The following GRIK4 variants were observed in gnomAD, a reference collection of about 807,000 sequenced individuals.
GRIK4 encodes the protein glutamate receptor ionotropic, kainate 4.
In GRIK4, 40 loss-of-function variants were observed where a neutral mutation model predicts 104.9. That is an observed-to-expected ratio of 0.38 (90% CI 0.30 to 0.50). The LOEUF is 0.50. Among genes scored for constraint, GRIK4 ranks in the 20% least tolerant of loss-of-function variants. The pLI, the probability that GRIK4 is intolerant of heterozygous loss-of-function variation, is 0.93. For synonymous variants in GRIK4, 485 were observed against 524.9 expected (o/e 0.92, Z 1.04); for missense variants, 1,047 against 1,308.1 (o/e 0.80, Z 3.08).
chr11:120,986,208 G>T lies in GRIK4; in HGVS notation c.2819G>T (p.Ser940Ile), dbSNP rs1478633838. 6.4e-6 allele frequency: 10 copies of T among 1,571,924 alleles called. No homozygotes were observed. The Admixed American group carries it at 1.7e-4, about 27-fold the overall frequency. The part of the protein sequence containing the change: ...GLRARPSPAR[S>I]EESLEWEKTT... ...CGGGCACGGCCGTCGCCCGCCCGCAGCGAGGAGAGCCTGGAGTGGGAGAAA... is the reference window on the plus strand; with the variant it reads ...CGGGCACGGCCGTCGCCCGCCCGCATCGAGGAGAGCCTGGAGTGGGAGAAA... Residue 940 changes from serine to isoleucine, a missense_variant, in exon 21 of 21, where the codon AGC (serine) becomes ATC (isoleucine). Physicochemically the swap from Ser to Ile is moderately radical, Grantham distance 142. Transcript: ENST00000527524.
chr11:120,836,866 C>G (rs749678507), intron 8 of GRIK4, 22 bp downstream of exon 8: 3 of 1,470,366 alleles, frequency 2.0e-6, no homozygotes, highest in Non-Finnish European at 2.9e-6. Flanking sequence ...TCACAGCTCA[C>G]CTCCTTGGAA....
chr11:120,850,337 T>TG (rs1029622397), intron 8 of GRIK4, among the ~76,000 whole-genome samples: 5 of 152,020 alleles, frequency 3.3e-5, no homozygotes, highest in African/African-American at 1.2e-4. Flanking sequence ...GTGTGTTTCT[T>TG]GGGGGTCATC....
chr11:120,579,459 C>T (rs945875788), intron 1 of GRIK4, among the ~76,000 whole-genome samples: 3 of 152,120 alleles, frequency 2.0e-5, no homozygotes, highest in Middle Eastern at 3.4e-3. Flanking sequence ...CATAGGGGTG[C>T]GGAATGAGAG....
At chr11:120,925,719 C>G (rs1808535277) in intron 13 of GRIK4, among the ~76,000 whole-genome samples, 1 of 152,058 alleles carries the variant, frequency 6.6e-6, no homozygotes, top group Admixed American at 6.5e-5. Context: ...CGCCTGTAAT[C>G]CCAGTACTTT....
Position 120,962,312 on chromosome 11 carries a change from G to A in GRIK4, c.2041-144G>A, listed in dbSNP as rs941921795. 7.2e-5 allele frequency: 44 copies of A among 612,906 alleles called. 1 individual carries two copies. Among genetic ancestry groups the A allele is most frequent in the Non-Finnish European group, 1.0e-4 (36 of 343,762 alleles). The allele number at this position is 612,906 out of a possible 1,614,324, so 38.0% of individuals were successfully genotyped here. A position where few individuals can be genotyped will look rare whatever the true frequency, so the allele number is the denominator to read the frequency against. ...AGTGAACATCTTGTGTTGAGAGACAGAAAGGGAAAAGGTTCTTGACTGTGA... is the reference window on the plus strand; with the variant it reads ...AGTGAACATCTTGTGTTGAGAGACAAAAAGGGAAAAGGTTCTTGACTGTGA... On this transcript the variant is annotated intron_variant, in intron 17 of 20. Transcript: ENST00000527524.
At chr11:120,771,676 C>T (rs1157833763) in intron 3 of GRIK4, among the ~76,000 whole-genome samples, 1 of 152,180 alleles carries the variant, frequency 6.6e-6, no homozygotes, top group African/African-American at 2.4e-5. Context: ...TCAGTGGAAT[C>T]CAGGACCTAT....
At chr11:120,884,540 A>C (rs569984006) in intron 11 of GRIK4, among the ~76,000 whole-genome samples, 1 of 152,294 alleles carries the variant, frequency 6.6e-6, no homozygotes, top group South Asian at 2.1e-4. Flanking sequence ...GCCTCCCCAC[A>C]GCCTCTCCCT....
At chr11:120,832,487 G>A (rs1211232076) in intron 7 of GRIK4, among the ~76,000 whole-genome samples, 1 of 152,188 alleles carries the variant, frequency 6.6e-6, no homozygotes, top group Non-Finnish European at 1.5e-5. Flanking sequence ...CAGTTACACA[G>A]CACTTCTGTG....
In GRIK4 at chr11:120,775,206, C is replaced by T. The variant is rs148524318; in HGVS notation, c.83-27487C>T. ...ATTTCTTCTGCCTCTGGTCTGCTGG[C>T]AAGCCCAGAGCTCCGGCTGTTAAGA... On this transcript the variant is annotated intron_variant, in intron 3 of 20. Transcript: ENST00000527524. Among the ~76,000 whole-genome samples the T allele has an allele frequency of 4.0e-3, 606 of 152,312 alleles. 5 individuals carry two copies. The highest frequency in any genetic ancestry group is 6.6e-3 in the Non-Finnish European group (449 of 68,014).
At chr11:120,872,986 G>A (rs1362658709) in intron 9 of GRIK4, 1 of 152,472 alleles carries the variant, frequency 6.6e-6, no homozygotes, top group African/African-American at 2.4e-5. Context: ...TCAAGCAAAT[G>A]TCTTAGGGGC....
At chr11:120,577,664 G>A (rs761106281) in intron 1 of GRIK4, among the ~76,000 whole-genome samples, 7 of 152,132 alleles carry the variant, frequency 4.6e-5, no homozygotes, top group African/African-American at 1.7e-4. Context: ...TTTGCCTTTC[G>A]TTGGGAAAGG....
chr11:120,916,889 GC>G (rs1260818892), intron 13 of GRIK4, among the ~76,000 whole-genome samples: 3 of 152,116 alleles, frequency 2.0e-5, no homozygotes, highest in Non-Finnish European at 4.4e-5. Flanking sequence ...CAGATAAGGG[GC>G]GCTTGCATTC....
chr11:120,960,949 A>T lies in GRIK4; in HGVS notation c.1915A>T (p.Asn639Tyr). Reference protein sequence around the residue: ...TLIIISSYTANLAAFLTVQRM... With the variant: ...TLIIISSYTAYLAAFLTVQRM... The stretch of plus-strand genomic sequence containing the variant: ...GATCATCATCTCATCCTACACGGCC[A>T]ACCTGGCAGCCTTCCTGACCGTGCA... The change falls in exon 17 of 21, where the codon AAC becomes TAC. Residue 639 changes from asparagine (N) to tyrosine (Y), a missense_variant. Asn to Tyr is a moderately radical substitution (Grantham distance 143, BLOSUM62 -2). Transcript: ENST00000527524. The T allele has an allele frequency of 6.2e-7, 1 of 1,614,068 alleles. No individual in the cohort carries two copies. Among genetic ancestry groups the T allele is most frequent in the Non-Finnish European group, 8.5e-7 (1 of 1,180,008 alleles).
chr11:120,762,367 C>T (rs950512752), intron 3 of GRIK4, among the ~76,000 whole-genome samples: 9 of 152,162 alleles, frequency 5.9e-5, no homozygotes, highest in Admixed American at 1.3e-4. Context: ...TTTCTAAATA[C>T]ACAATCATGT....
intron 1 of GRIK4, among the ~76,000 whole-genome samples, chr11:120,516,247 G>A (rs756611133): frequency 1.6e-4 from 25 of 152,136 alleles, no homozygotes; most frequent in Non-Finnish European, 2.9e-5. Flanking sequence ...CCGGTCTCTG[G>A]GAACATGGCG....
intron 6 of GRIK4, among the ~76,000 whole-genome samples, chr11:120,831,552 A>G (rs1953428052): frequency 6.6e-6 from 1 of 152,054 alleles, no homozygotes; most frequent in Non-Finnish European, 1.5e-5. Context: ...GGTGGGGAGG[A>G]GGGGGGATTC....
intron 3 of GRIK4, among the ~76,000 whole-genome samples, chr11:120,767,336 T>C (rs1951857702): frequency 6.6e-6 from 1 of 152,254 alleles, no homozygotes. Context: ...GTTGGCCATT[T>C]GTATGTATTC....
At chr11:120,579,651 T>C (rs1445201545) in intron 1 of GRIK4, among the ~76,000 whole-genome samples, 4 of 148,412 alleles carry the variant, frequency 2.7e-5, no homozygotes, top group Non-Finnish European at 5.9e-5. Flanking sequence ...CATGAGTAGC[T>C]GTAGGTTGGG....
At chr11:120,692,358 G>A (rs1950379451) in intron 3 of GRIK4, among the ~76,000 whole-genome samples, 1 of 152,240 alleles carries the variant, frequency 6.6e-6, no homozygotes, top group South Asian at 2.1e-4. Flanking sequence ...CATTGTCTTT[G>A]TGCTGAGTGC....
Sources: allele counts gnomAD v4.1 joint callset (sites outside exome capture counted in the v4.1 genomes callset), GRCh38; gene constraint gnomAD v4.1.1; transcripts MANE v1.5; gene names NCBI Gene and HGNC (gene_info 2026-07-23, HGNC 2026-07-21).